MRPL53: variants seen among roughly 807,000 people sequenced by gnomAD.
MRPL53 encodes the protein mitochondrial ribosomal protein L53.
Under a neutral mutation model 7.5 loss-of-function variants are expected in MRPL53, and 7 were observed. That is an observed-to-expected ratio of 0.93 (90% CI 0.53 to 1.75). MRPL53 has a LOEUF of 1.75. Ranked by LOEUF, MRPL53 falls within the 40% of genes most tolerant of loss-of-function variation. The pLI, the probability that MRPL53 is intolerant of heterozygous loss-of-function variation, is 0.00. For synonymous variants in MRPL53, 84 were observed against 64.4 expected (o/e 1.30, Z -1.46); for missense variants, 185 against 159.0 (o/e 1.16, Z -0.88).
At position 74,472,448 on chromosome 2, in the gene MRPL53, T is replaced by G; in HGVS notation, c.115A>C (p.Ser39Arg). Residue 39 changes from serine to arginine, a missense_variant, in exon 2 of 3, where the codon AGT becomes CGT. Transcript: ENST00000258105. Reference sequence around the variant, plus strand: ...AGATTAGTGGAGCGGACCTTCTCACTGCTCACCGTCTGCAGGAAGGTCCTA... The same window carrying G: ...AGATTAGTGGAGCGGACCTTCTCACGGCTCACCGTCTGCAGGAAGGTCCTA... ...STRTFLQTVS[S>R]EKVRSTNLNC... 1 of 1,614,014 alleles carries G rather than the reference T, an allele frequency of 6.2e-7. No individual in the cohort carries two copies.
In MRPL53 at chr2:74,472,552, C is replaced by G; in HGVS notation, c.92+17G>C. On this transcript the variant is annotated intron_variant, in intron 1 of 2. Transcript: ENST00000258105. ...AAGGCGCACCACTTCCCGCTTCTACCCACTTCCCCTTCGTACCTCGTCGAT... is the reference window on the plus strand; with the variant it reads ...AAGGCGCACCACTTCCCGCTTCTACGCACTTCCCCTTCGTACCTCGTCGAT... 15 of 1,614,184 alleles carry G rather than the reference C, an allele frequency of 9.3e-6. No individual in the cohort carries two copies. Among genetic ancestry groups the G allele is most frequent in the African/African-American group, 1.3e-5 (1 of 75,080 alleles).
In MRPL53 at chr2:74,472,110, T is replaced by G. The variant is rs2103998979; in HGVS notation, c.*9A>C. 6.2e-7 allele frequency: 1 copy of G among 1,613,718 alleles called. No homozygotes were observed. Among genetic ancestry groups the G allele is most frequent in the East Asian group, 2.2e-5 (1 of 44,886 alleles). On this transcript the variant is annotated 3_prime_UTR_variant, in exon 3 of 3. Coordinates refer to ENST00000258105, the MANE Select transcript of MRPL53 (RefSeq NM_053050.5). ...CGCTAAAATCATCTTGTTGGTCTCT[T>G]TGGCGCTGTCAGCGACCAGTATCAG...
chr2:74,472,620 T>C lies in MRPL53; in HGVS notation c.41A>G (p.Lys14Arg), dbSNP rs1558570233. 1 of 1,614,246 alleles carries C rather than the reference T, an allele frequency of 6.2e-7. No individual in the cohort carries two copies. Among genetic ancestry groups the C allele is most frequent in the Admixed American group, 1.7e-5 (1 of 60,030 alleles). Residue 14 changes from lysine to arginine, a missense_variant, in exon 1 of 3, where the codon AAA (lysine) becomes AGA (arginine). Lys to Arg is a conservative substitution (Grantham distance 26). Transcript: ENST00000258105. ...GGGACAGAACTGAACCCGAACCTGT[T>C]TGACAGGCCGCAGACCAAGCCGAGC... ...ALARLGLRPV[K>R]QVRVQFCPFE...
At position 74,472,680 on chromosome 2, in the gene MRPL53, G is replaced by C. The variant is rs932623099; in HGVS notation, c.-20C>G. 61 of 1,613,872 alleles carry C rather than the reference G, an allele frequency of 3.8e-5. No homozygotes were observed. Among genetic ancestry groups the C allele is most frequent in the Non-Finnish European group, 4.7e-5 (55 of 1,179,840 alleles). The stretch of plus-strand genomic sequence containing the variant: ...TGCCATGGTGACCTCCGCCCCGGAA[G>C]AACTCGTGCAGGCGGAAGTGTCGCA... On this transcript the variant is annotated 5_prime_UTR_variant, in exon 1 of 3. Coordinates refer to ENST00000258105, the MANE Select transcript of MRPL53 (RefSeq NM_053050.5).
chr2:74,472,092 A>C lies in MRPL53; in HGVS notation c.*27T>G, dbSNP rs1430127730. On this transcript the variant is annotated 3_prime_UTR_variant, in exon 3 of 3. Coordinates refer to ENST00000258105, the MANE Select transcript of MRPL53 (RefSeq NM_053050.5). ...GTTAAGTGTCCTAGTCCACGCTAAA[A>C]TCATCTTGTTGGTCTCTTTGGCGCT... The C allele has an allele frequency of 1.9e-6, 3 of 1,612,192 alleles. No individual in the cohort carries two copies. The highest frequency in any genetic ancestry group is 1.7e-6 in the Non-Finnish European group (2 of 1,179,182).
In MRPL53 at chr2:74,472,556, T is replaced by TTA; in HGVS notation, c.92+12_92+13insTA. 2.5e-6 allele frequency: 4 copies of TTA among 1,614,066 alleles called. No individual in the cohort carries two copies. The highest frequency in any genetic ancestry group is 3.4e-6 in the Non-Finnish European group (4 of 1,179,990). Reference sequence around the variant, plus strand: ...CGCACCACTTCCCGCTTCTACCCACTTCCCCTTCGTACCTCGTCGATTCCA... The same window carrying TTA: ...CGCACCACTTCCCGCTTCTACCCACTTATCCCCTTCGTACCTCGTCGATTCCA... On this transcript the variant is annotated intron_variant, in intron 1 of 2. Transcript: ENST00000258105.
At position 74,472,229 on chromosome 2, in the gene MRPL53, G is replaced by C; in HGVS notation, c.229C>G (p.Arg77Gly). Residue 77 changes from arginine to glycine, a missense_variant, in exon 3 of 3, where the codon CGC becomes GGC. Coordinates refer to ENST00000258105, the MANE Select transcript of MRPL53 (RefSeq NM_053050.5). ...LFGDGHRLIM[R>G]GAHLTALEML... ...TCCAGAGCGGTGAGATGAGCGCCGC[G>C]CATAATCAGGCGATGCCCGTCTCCT... 1 of 1,614,152 alleles carries C rather than the reference G, an allele frequency of 6.2e-7. No homozygotes were observed. The highest frequency in any genetic ancestry group is 8.5e-7 in the Non-Finnish European group (1 of 1,180,018).
At position 74,472,213 on chromosome 2, in the gene MRPL53, G is replaced by T. The variant is rs1477557979; in HGVS notation, c.245C>A (p.Thr82Asn). ...GAAGGCGGTGAGCATTTCCAGAGCG[G>T]TGAGATGAGCGCCGCGCATAATCAG... ...HRLIMRGAHL[T>N]ALEMLTAFAS... The change falls in exon 3 of 3, where the codon ACC becomes AAC. Residue 82 changes from threonine to asparagine, a missense_variant. By Grantham distance (65) the Thr-to-Asn change is moderately conservative. Transcript: ENST00000258105. 3.1e-6 allele frequency: 5 copies of T among 1,614,080 alleles called. No homozygotes were observed. Among genetic ancestry groups the T allele is most frequent in the Middle Eastern group, 1.6e-4 (1 of 6,084 alleles).
In MRPL53 at chr2:74,472,639, G is replaced by C. The variant is rs535547076; in HGVS notation, c.22C>G (p.Leu8Val). 2 of 1,614,150 alleles carry C rather than the reference G, an allele frequency of 1.2e-6. No individual in the cohort carries two copies. Among genetic ancestry groups the C allele is most frequent in the African/African-American group, 2.7e-5 (2 of 74,960 alleles). The stretch of plus-strand genomic sequence containing the variant: ...ACCTGTTTGACAGGCCGCAGACCAA[G>C]CCGAGCCAAGGCAGCTGCCATGGTG... MAAALAR[L>V]GLRPVKQVRV... Residue 8 changes from leucine to valine, a missense_variant, in exon 1 of 3, where the codon CTT (leucine) becomes GTT (valine). Coordinates refer to ENST00000258105, the MANE Select transcript of MRPL53 (RefSeq NM_053050.5).
At position 74,472,553 on chromosome 2, in the gene MRPL53, C is replaced by G; in HGVS notation, c.92+16G>C. 3 of 1,614,186 alleles carry G rather than the reference C, an allele frequency of 1.9e-6. No homozygotes were observed. Among genetic ancestry groups the G allele is most frequent in the Non-Finnish European group, 1.7e-6 (2 of 1,179,970 alleles). ...AGGCGCACCACTTCCCGCTTCTACC[C>G]ACTTCCCCTTCGTACCTCGTCGATT... On this transcript the variant is annotated intron_variant, in intron 1 of 2. Transcript: ENST00000258105.
chr2:74,472,211 C>T lies in MRPL53; in HGVS notation c.247G>A (p.Ala83Thr), dbSNP rs1190409843. The change falls in exon 3 of 3, where the codon GCT (alanine) becomes ACT (threonine). Residue 83 changes from alanine to threonine, a missense_variant. Ala to Thr is a moderately conservative substitution (Grantham distance 58). Transcript: ENST00000258105. ...GCGAAGGCGGTGAGCATTTCCAGAGCGGTGAGATGAGCGCCGCGCATAATC... is the reference window on the plus strand; with the variant it reads ...GCGAAGGCGGTGAGCATTTCCAGAGTGGTGAGATGAGCGCCGCGCATAATC... ...RLIMRGAHLT[A>T]LEMLTAFASH... 7 of 1,614,182 alleles carry T rather than the reference C, an allele frequency of 4.3e-6. No homozygotes were observed. Among genetic ancestry groups the T allele is most frequent in the Non-Finnish European group, 5.9e-6 (7 of 1,180,034 alleles).
chr2:74,472,070 A>C lies in MRPL53; in HGVS notation c.*49T>G. The C allele has an allele frequency of 6.2e-7, 1 of 1,603,610 alleles. No homozygotes were observed. The highest frequency in any genetic ancestry group is 1.1e-5 in the South Asian group (1 of 90,748). ...GATTAAGTGAAACTCTTCTTAGGTT[A>C]AGTGTCCTAGTCCACGCTAAAATCA... On this transcript the variant is annotated 3_prime_UTR_variant, in exon 3 of 3. Transcript: ENST00000258105.
At position 74,472,229 on chromosome 2, in the gene MRPL53, GC is replaced by G. The variant is rs1558569914; in HGVS notation, c.228del (p.Met76IlefsTer78). On this transcript the variant is annotated frameshift_variant, in exon 3 of 3. Transcript: ENST00000258105. LOFTEE classifies it low-confidence loss of function (END_TRUNC). ...VLFGDGHRLI[M>X]RGAHLTALEM... ...TCCAGAGCGGTGAGATGAGCGCCGC[GC>G]ATAATCAGGCGATGCCCGTCTCCTG... The G allele has an allele frequency of 6.2e-7, 1 of 1,614,152 alleles. No homozygotes were observed. Among genetic ancestry groups the G allele is most frequent in the East Asian group, 2.2e-5 (1 of 44,876 alleles).
Position 74,472,430 on chromosome 2 carries a change from T to C in MRPL53, c.133A>G (p.Thr45Ala), listed in dbSNP as rs751976686. ...QTVSSEKVRS[T>A]NLNCSVIADV... ...GCAATCACTGAGCAGTTGAGATTAG[T>C]GGAGCGGACCTTCTCACTGCTCACC... Residue 45 changes from threonine (T) to alanine (A), a missense_variant, in exon 2 of 3, where the codon ACT becomes GCT. Thr to Ala is a moderately conservative substitution (Grantham distance 58). Transcript: ENST00000258105. 8.7e-6 allele frequency: 14 copies of C among 1,613,792 alleles called. No homozygotes were observed. The highest frequency in any genetic ancestry group is 1.2e-5 in the Non-Finnish European group (14 of 1,179,902).
At position 74,472,195 on chromosome 2, in the gene MRPL53, G is replaced by A; in HGVS notation, c.263C>T (p.Thr88Ile). The change falls in exon 3 of 3, where the codon ACC becomes ATC. Residue 88 changes from threonine to isoleucine, a missense_variant. Thr to Ile is a moderately conservative substitution (Grantham distance 89, BLOSUM62 -1). Coordinates refer to ENST00000258105, the MANE Select transcript of MRPL53 (RefSeq NM_053050.5). ...GGCCCGGATGTGGGAGGCGAAGGCG[G>A]TGAGCATTTCCAGAGCGGTGAGATG... is the stretch of plus-strand genomic sequence containing the variant. Reference protein sequence around the residue: ...GAHLTALEMLTAFASHIRARD... With the variant: ...GAHLTALEMLIAFASHIRARD... 6.2e-7 allele frequency: 1 copy of A among 1,614,176 alleles called. No individual in the cohort carries two copies.
In MRPL53 at chr2:74,472,024, C is replaced by T. The variant is rs1215888263; in HGVS notation, c.*95G>A. 9 of 1,522,760 alleles carry T rather than the reference C, an allele frequency of 5.9e-6. No homozygotes were observed. In the Admixed American group the frequency reaches 1.7e-4, roughly 28 times the overall value. 94.3% of individuals were successfully genotyped at this position (1,522,760 alleles called of 1,614,324 possible). On this transcript the variant is annotated 3_prime_UTR_variant, in exon 3 of 3. Coordinates refer to ENST00000258105, the MANE Select transcript of MRPL53 (RefSeq NM_053050.5). Reference sequence around the variant, plus strand: ...TAAACTTTATTTTGCGCTCCGTGACCCTTCAGATAGTGATTTGAATGATTA... The same window carrying T: ...TAAACTTTATTTTGCGCTCCGTGACTCTTCAGATAGTGATTTGAATGATTA...
At position 74,472,256 on chromosome 2, in the gene MRPL53, G is replaced by C; in HGVS notation, c.206-4C>G. 6.2e-7 allele frequency: 1 copy of C among 1,614,050 alleles called. No individual in the cohort carries two copies. Among genetic ancestry groups the C allele is most frequent in the Non-Finnish European group, 8.5e-7 (1 of 1,179,996 alleles). On this transcript the variant is annotated splice_polypyrimidine_tract_variant and splice_region_variant and intron_variant, in intron 2 of 2. Transcript: ENST00000258105. ...ATAATCAGGCGATGCCCGTCTCCTG[G>C]GGAAGAAACAAACGAGTGAGACAGG...
rs1335603853 is a variant in MRPL53 at position 74,472,377 on chromosome 2, G to A, written c.186C>T (p.Pro62=). 3 of 1,613,960 alleles carry A rather than the reference G, an allele frequency of 1.9e-6. No individual in the cohort carries two copies. The highest frequency in any genetic ancestry group is 2.2e-5 in the South Asian group (2 of 91,064). ...IADVRHDGSE[P]CVDVLFGDGH... ...GCCCACCGAACAGCACGTCCACGCA[G>A]GGCTCGGAGCCGTCATGCCTCACGT... The change falls in exon 2 of 3, where the codon CCC becomes CCT. Residue 62 remains proline, a synonymous_variant. Coordinates refer to ENST00000258105, the MANE Select transcript of MRPL53 (RefSeq NM_053050.5).
rs1364050664 is a variant in MRPL53, at chr2:74,472,437, G to A, written c.126C>T (p.Val42=). Residue 42 remains valine, a synonymous_variant, in exon 2 of 3, where the codon GTC becomes GTT. Transcript: ENST00000258105. The part of the protein sequence containing the change: ...TFLQTVSSEK[V]RSTNLNCSVI... ...CTGAGCAGTTGAGATTAGTGGAGCGGACCTTCTCACTGCTCACCGTCTGCA... is the reference window on the plus strand; with the variant it reads ...CTGAGCAGTTGAGATTAGTGGAGCGAACCTTCTCACTGCTCACCGTCTGCA... 1.9e-6 allele frequency: 3 copies of A among 1,613,978 alleles called. No individual in the cohort carries two copies. Among genetic ancestry groups the A allele is most frequent in the East Asian group, 2.2e-5 (1 of 44,868 alleles).
Sources: allele counts gnomAD v4.1 joint callset, GRCh38; gene constraint gnomAD v4.1.1; transcripts MANE v1.5; gene names NCBI Gene and HGNC (gene_info 2026-07-23, HGNC 2026-07-21).